The following FRMD5 variants were observed in gnomAD, a reference collection of about 807,000 sequenced individuals.
FRMD5 encodes the protein FERM domain containing 5.
FRMD5 carries 20 observed loss-of-function variants against 69.0 expected under a neutral mutation model. The ratio of observed to expected loss-of-function variants is 0.29; its 90% CI spans 0.20 to 0.42. FRMD5 has a LOEUF of 0.42. FRMD5 is among the 10% of genes least tolerant of loss of function. The probability of loss-of-function intolerance (pLI) is 1.00; values close to 1 mark genes in which losing one functional copy is unlikely to be tolerated. For synonymous variants in FRMD5, 271 were observed against 260.1 expected (o/e 1.04, Z -0.40); for missense variants, 595 against 708.6 (o/e 0.84, Z 1.82).
chr15:44,132,254 G>A (rs186183441), intron 1 of FRMD5, among the ~76,000 whole-genome samples: 1 of 152,176 alleles, frequency 6.6e-6, no homozygotes, highest in South Asian at 2.1e-4. Flanking sequence ...TCACTTGCTC[G>A]TCCACCACTC....
In FRMD5 at chr15:43,919,659, C is replaced by T. The variant is rs776266081; in HGVS notation, c.250+108G>A. The stretch of plus-strand genomic sequence containing the variant: ...CATATATTTAGGGCCAACTTATACT[C>T]AGAACAGTGGGAAATTATATATGTA... On this transcript the variant is annotated intron_variant, in intron 3 of 13. Coordinates refer to ENST00000417257, the MANE Select transcript of FRMD5 (RefSeq NM_032892.5). The T allele has an allele frequency of 2.8e-6, 4 of 1,447,846 alleles. No homozygotes were observed. In the Admixed American group the frequency reaches 6.8e-5, roughly 25 times the overall value. The allele number at this position is 1,447,846 out of a possible 1,614,324, so 89.7% of individuals were successfully genotyped here. A position where few individuals can be genotyped will look rare whatever the true frequency, so the allele number is the denominator to read the frequency against.
chr15:44,097,456 G>C (rs1169728854), intron 1 of FRMD5, among the ~76,000 whole-genome samples: 1 of 152,174 alleles, frequency 6.6e-6, no homozygotes, highest in Non-Finnish European at 1.5e-5. Flanking sequence ...AAAGTGTCCA[G>C]GTCAACCAGA....
chr15:44,060,758 T>C (rs1310549787), intron 1 of FRMD5, among the ~76,000 whole-genome samples: 1 of 151,992 alleles, frequency 6.6e-6, no homozygotes. Context: ...TTACATAAAA[T>C]AATGAAAAAG....
intron 1 of FRMD5, among the ~76,000 whole-genome samples, chr15:44,031,341 T>C (rs1891673307): frequency 6.6e-6 from 1 of 152,208 alleles, no homozygotes; most frequent in Admixed American, 6.5e-5. Context: ...TTTGTCTTAG[T>C]CCATTTGGGC....
intron 1 of FRMD5, among the ~76,000 whole-genome samples, chr15:44,112,634 T>G (rs2076814534): frequency 6.6e-6 from 1 of 152,002 alleles, no homozygotes; most frequent in African/African-American, 2.4e-5. Context: ...GCCCTGCTAA[T>G]TTTTTGTATT....
At chr15:44,098,014 A>G (rs1429743040) in intron 1 of FRMD5, among the ~76,000 whole-genome samples, 1 of 151,900 alleles carries the variant, frequency 6.6e-6, no homozygotes, top group Non-Finnish European at 1.5e-5. Flanking sequence ...CTGCAGCAGC[A>G]TGAACCTGGC....
At chr15:43,876,021 T>C (rs2088344985) in intron 13 of FRMD5, 2 of 1,211,714 alleles carry the variant, frequency 1.7e-6, no homozygotes, top group Non-Finnish European at 2.5e-6. Flanking sequence ...TTGCCTGGCT[T>C]TATCTTCACT....
At chr15:44,097,680 A>C (rs1053337321) in intron 1 of FRMD5, among the ~76,000 whole-genome samples, 1 of 152,166 alleles carries the variant, frequency 6.6e-6, no homozygotes, top group African/African-American at 2.4e-5. Context: ...AATTTGTCTA[A>C]TGTGTGCAAA....
At chr15:44,003,850 A>G (rs1468110372) in intron 1 of FRMD5, among the ~76,000 whole-genome samples, 1 of 152,062 alleles carries the variant, frequency 6.6e-6, no homozygotes, top group African/African-American at 2.4e-5. Flanking sequence ...TTTATTATTC[A>G]TTGCTTATTC....
At chr15:43,949,900 A>G (rs1399780642) in intron 1 of FRMD5, among the ~76,000 whole-genome samples, 1 of 152,208 alleles carries the variant, frequency 6.6e-6, no homozygotes, top group Non-Finnish European at 1.5e-5. Context: ...CTAACTTAAA[A>G]AAAAAAGGAT....
chr15:43,981,269 G>T (rs1238488737), intron 1 of FRMD5, among the ~76,000 whole-genome samples: 5 of 152,022 alleles, frequency 3.3e-5, no homozygotes, highest in African/African-American at 1.2e-4. Flanking sequence ...CACATATTTT[G>T]TATGTTGTAT....
At chr15:44,051,713 A>C (rs1892674670) in intron 1 of FRMD5, among the ~76,000 whole-genome samples, 1 of 151,624 alleles carries the variant, frequency 6.6e-6, no homozygotes, top group African/African-American at 2.4e-5. Context: ...TTTTTTTATG[A>C]TCTTGACAGT....
chr15:43,887,625 C>G (rs1465755694), intron 10 of FRMD5, among the ~76,000 whole-genome samples: 1 of 152,194 alleles, frequency 6.6e-6, no homozygotes, highest in East Asian at 1.9e-4. Flanking sequence ...GCCAGCATCC[C>G]ATAGCAGCCA....
At chr15:43,876,815 G>A (rs1322931963) in intron 13 of FRMD5, among the ~76,000 whole-genome samples, 1 of 152,166 alleles carries the variant, frequency 6.6e-6, no homozygotes, top group East Asian at 1.9e-4. Flanking sequence ...AGAATAGGCT[G>A]AAAAGCTCCC....
intron 13 of FRMD5, among the ~76,000 whole-genome samples, chr15:43,880,363 G>A (rs985858643): frequency 2.0e-5 from 3 of 152,106 alleles, no homozygotes; most frequent in Non-Finnish European, 2.9e-5. Context: ...ATCCCTCGCA[G>A]CCCCTCCCTC....
intron 1 of FRMD5, chr15:44,101,644 AGAT>A (rs2076642128): frequency 3.3e-5 from 5 of 152,552 alleles, no homozygotes; most frequent in Admixed American, 3.3e-4. Context: ...AACAAACATA[AGAT>A]GATGAGTACT....
intron 1 of FRMD5, among the ~76,000 whole-genome samples, chr15:43,979,879 G>T (rs546265971): frequency 1.1e-4 from 17 of 152,278 alleles, no homozygotes; most frequent in Admixed American, 3.3e-4. Context: ...AATTAAAGAA[G>T]AAGCAACATA....
chr15:43,904,187 T>C (rs969528030), intron 6 of FRMD5, among the ~76,000 whole-genome samples: 4 of 152,118 alleles, frequency 2.6e-5, no homozygotes, highest in Non-Finnish European at 4.4e-5. Flanking sequence ...AATCATTGAG[T>C]GAAGGGTTTC....
rs565436237 is a variant in FRMD5, at chr15:44,096,721, G to GT, written c.102+98231dup. Among the ~76,000 whole-genome samples, 587 of 152,206 alleles carry GT rather than the reference G, an allele frequency of 3.9e-3. 1 individual carries two copies. Among genetic ancestry groups the GT allele is most frequent in the South Asian group, 6.6e-3 (32 of 4,824 alleles). ...GTCACCACACCCAGCCTAGTAGTGT[G>GT]TATCTTTAAAATAAATTTTGTAGAA... is the stretch of plus-strand genomic sequence containing the variant. On this transcript the variant is annotated intron_variant, in intron 1 of 13. Transcript: ENST00000417257.
Sources: allele counts gnomAD v4.1 joint callset (sites outside exome capture counted in the v4.1 genomes callset), GRCh38; gene constraint gnomAD v4.1.1; transcripts MANE v1.5; gene names NCBI Gene and HGNC (gene_info 2026-07-23, HGNC 2026-07-21).